The following FMNL2 variants were observed in gnomAD, a reference collection of about 807,000 sequenced individuals.
The protein encoded by FMNL2 is formin like 2, also known as formin-like protein 2.
Under a neutral mutation model 130.2 loss-of-function variants are expected in FMNL2, and 51 were observed. The ratio of observed to expected loss-of-function variants is 0.39; its 90% confidence interval spans 0.31 to 0.49. The LOEUF (loss-of-function observed/expected upper bound fraction) is 0.49, where lower values mean the gene tolerates loss of function less well. Among genes scored for constraint, FMNL2 ranks in the 20% least tolerant of loss-of-function variants. FMNL2 has a pLI of 0.85. For missense variants in FMNL2, 977 were observed against 1,316.2 expected (o/e 0.74, Z 3.99); for synonymous variants, 465 against 467.1 (o/e 1.00, Z 0.06).
Position 152,640,050 on chromosome 2 carries a change from T to A in FMNL2, c.3039T>A (p.Asp1013Glu), listed in dbSNP as rs1276771762. The A allele has an allele frequency of 6.4e-7, 1 of 1,551,022 alleles. No individual in the cohort carries two copies. ...LEQEALMEQQ[D>E]PKSPSHKSKR... is the part of the protein sequence containing the mutation. ...AAGAAGCTCTGATGGAGCAGCAGGA[T>A]CCAAAGGTAAGAAGTGCCGCACTCA... Residue 1013 changes from aspartate to glutamate, a missense_variant, in exon 24 of 26, where the codon GAT becomes GAA. Physicochemically the swap from Asp to Glu is conservative, Grantham distance 45 (BLOSUM62 2). Coordinates refer to ENST00000288670, the MANE Select transcript of FMNL2 (RefSeq NM_052905.4).
At chr2:152,487,889 G>A (rs1286667390) in intron 1 of FMNL2, among the ~76,000 whole-genome samples, 2 of 151,870 alleles carry the variant, frequency 1.3e-5, no homozygotes, top group Non-Finnish European at 2.9e-5. Flanking sequence ...CTGGGTTCAA[G>A]TGATGCATGT....
At chr2:152,572,235 C>T (rs1340143964) in intron 6 of FMNL2, among the ~76,000 whole-genome samples, 1 of 152,058 alleles carries the variant, frequency 6.6e-6, no homozygotes. Context: ...GTGTGATGAT[C>T]CCCTTATCTA....
rs55990282 is a variant in FMNL2, at chr2:152,514,521, T to G, written c.118-7422T>G. Reference sequence around the variant, plus strand: ...TGAGTACTTTCCGTGTACTTACTTTTGTACTATTTTATAGTAATCCTCCCA... The same window carrying G: ...TGAGTACTTTCCGTGTACTTACTTTGGTACTATTTTATAGTAATCCTCCCA... On this transcript the variant is annotated intron_variant, in intron 1 of 25. Transcript: ENST00000288670. Among the ~76,000 whole-genome samples the G allele has an allele frequency of 9.7e-3, 1,474 of 152,294 alleles. 22 individuals are homozygous for G. Among genetic ancestry groups the G allele is most frequent in the African/African-American group, 0.034 (1,396 of 41,556 alleles).
intron 9 of FMNL2, among the ~76,000 whole-genome samples, chr2:152,599,405 CTTTTT>C (rs35753197): frequency 0.038 from 1,695 of 44,774 alleles, 13 homozygotes; most frequent in East Asian, 0.15. Context: ...TGAAGGTCAT[CTTTTT>C]TTTTTTTTTT....
chr2:152,480,269 G>A (rs534126322), intron 1 of FMNL2, among the ~76,000 whole-genome samples: 34 of 152,190 alleles, frequency 2.2e-4, no homozygotes, highest in African/African-American at 8.2e-4. Flanking sequence ...TAATAATCTT[G>A]CATTTTTTTG....
chr2:152,457,408 G>C (rs1474271299), intron 1 of FMNL2, among the ~76,000 whole-genome samples: 1 of 152,200 alleles, frequency 6.6e-6, no homozygotes, highest in Non-Finnish European at 1.5e-5. Flanking sequence ...GGCTGGGAGA[G>C]AAGTCTTTGA....
chr2:152,387,174 A>C (rs1482834795), intron 1 of FMNL2, among the ~76,000 whole-genome samples: 1 of 14,906 alleles, frequency 6.7e-5, no homozygotes, highest in East Asian at 0.17. Flanking sequence ...TAAAAACCAA[A>C]GCCCAACTGT....
At chr2:152,478,477 C>T (rs752712113) in intron 1 of FMNL2, among the ~76,000 whole-genome samples, 4 of 152,040 alleles carry the variant, frequency 2.6e-5, no homozygotes, top group South Asian at 4.2e-4. Context: ...ACCTCGTGAT[C>T]TGCTGGCCTT....
intron 1 of FMNL2, among the ~76,000 whole-genome samples, chr2:152,368,008 A>G (rs1683658402): frequency 6.6e-6 from 1 of 152,182 alleles, no homozygotes; most frequent in African/African-American, 2.4e-5. Context: ...CGTATTAACA[A>G]GATCTCACAC....
At chr2:152,500,396 C>A (rs911830348) in intron 1 of FMNL2, among the ~76,000 whole-genome samples, 1 of 152,128 alleles carries the variant, frequency 6.6e-6, no homozygotes, top group African/African-American at 2.4e-5. Context: ...CTCTGCTTAG[C>A]CCCCCAGCAC....
intron 9 of FMNL2, among the ~76,000 whole-genome samples, chr2:152,582,894 C>T (rs1370150732): frequency 1.3e-5 from 2 of 152,112 alleles, no homozygotes; most frequent in South Asian, 2.1e-4. Flanking sequence ...TCTGATTATA[C>T]TGCAGGTCAG....
intron 3 of FMNL2, among the ~76,000 whole-genome samples, chr2:152,543,417 G>A (rs1694427963): frequency 6.6e-6 from 1 of 152,192 alleles, no homozygotes; most frequent in South Asian, 2.1e-4. Context: ...ATGTAGCCTG[G>A]CACGGCCCTG....
intron 1 of FMNL2, among the ~76,000 whole-genome samples, chr2:152,511,371 C>G (rs1184089427): frequency 1.3e-5 from 2 of 152,138 alleles, no homozygotes; most frequent in African/African-American, 2.4e-5. Context: ...TTCACAGGTT[C>G]CTGGGATAGA....
At chr2:152,486,621 A>C (rs1043279191) in intron 1 of FMNL2, among the ~76,000 whole-genome samples, 74 of 152,326 alleles carry the variant, frequency 4.9e-4, no homozygotes, top group Non-Finnish European at 1.0e-4. Context: ...TTAATGTTTC[A>C]TTGAGTTAGT....
intron 25 of FMNL2, among the ~76,000 whole-genome samples, chr2:152,644,597 A>C (rs1458358507): frequency 6.6e-6 from 1 of 152,186 alleles, no homozygotes; most frequent in African/African-American, 2.4e-5. Context: ...ATGTTCAACT[A>C]TCAGTAATTC....
At chr2:152,574,379 T>A (rs1696348703) in intron 6 of FMNL2, among the ~76,000 whole-genome samples, 1 of 140,386 alleles carries the variant, frequency 7.1e-6, no homozygotes, top group South Asian at 2.1e-4. Flanking sequence ...GAGGTTGCAG[T>A]GAGCTGAGGT....
chr2:152,533,877 A>G (rs907983604), intron 2 of FMNL2, among the ~76,000 whole-genome samples: 1 of 152,142 alleles, frequency 6.6e-6, no homozygotes, highest in Non-Finnish European at 1.5e-5. Context: ...TTTAAGGGAT[A>G]TATTTTTAAA....
At chr2:152,486,744 C>CT (rs1207106160) in intron 1 of FMNL2, among the ~76,000 whole-genome samples, 1 of 152,102 alleles carries the variant, frequency 6.6e-6, no homozygotes, top group Non-Finnish European at 1.5e-5. Flanking sequence ...AAGTTGTTTT[C>CT]TGGGGGGAAG....
intron 1 of FMNL2, among the ~76,000 whole-genome samples, chr2:152,446,163 G>A (rs143662822): frequency 1.5e-4 from 23 of 152,262 alleles, no homozygotes; most frequent in African/African-American, 5.3e-4. Context: ...AGTGATTTCT[G>A]TGTCCATGCT....
Sources: gnomAD v4.1 joint callset for allele counts (sites outside exome capture counted in the v4.1 genomes callset) on GRCh38, gnomAD v4.1.1 for gene constraint, MANE v1.5 for transcripts, NCBI Gene and HGNC (gene_info 2026-07-23, HGNC 2026-07-21) for gene names.